Variants in TFCP2 observed in about 807,000 individuals in gnomAD.
TFCP2 encodes alpha-globin transcription factor CP2.
In TFCP2, 33 loss-of-function variants were observed where a neutral mutation model predicts 73.4. That is an observed-to-expected ratio of 0.45 (90% CI 0.34 to 0.60). The LOEUF (loss-of-function observed/expected upper bound fraction) is 0.60, where lower values mean the gene tolerates loss of function less well. Ranked by LOEUF, TFCP2 falls within the 20% of genes least tolerant of loss-of-function variation. The pLI is 0.01. For missense variants in TFCP2, 352 were observed against 604.0 expected (o/e 0.58, Z 4.37); for synonymous variants, 193 against 211.6 (o/e 0.91, Z 0.76).
At chr12:51,125,903 C>G (rs1028690952) in intron 1 of TFCP2, among the ~76,000 whole-genome samples, 24 of 152,046 alleles carry the variant, frequency 1.6e-4, no homozygotes, top group Non-Finnish European at 2.4e-4. Flanking sequence ...CAAGACCATC[C>G]TGGTCAACAT....
At chr12:51,163,801 T>C (rs1941698171) in intron 1 of TFCP2, among the ~76,000 whole-genome samples, 1 of 151,672 alleles carries the variant, frequency 6.6e-6, no homozygotes, top group Admixed American at 6.6e-5. Flanking sequence ...AAGAAAGACC[T>C]TAAGTCAATA....
intron 1 of TFCP2, among the ~76,000 whole-genome samples, chr12:51,126,279 T>C (rs1256256880): frequency 6.7e-6 from 1 of 148,858 alleles, no homozygotes; most frequent in Non-Finnish European, 1.5e-5. Flanking sequence ...AAATCATACC[T>C]GTTAAAAGGA....
chr12:51,156,845 T>C (rs1056557156), intron 1 of TFCP2: 3 of 152,158 alleles, frequency 2.0e-5, no homozygotes, highest in Non-Finnish European at 2.9e-5. Context: ...TGGTGTACAA[T>C]TGGTTTATTA....
chr12:51,116,984 G>A (rs967970170), intron 3 of TFCP2, among the ~76,000 whole-genome samples: 10 of 152,122 alleles, frequency 6.6e-5, no homozygotes, highest in East Asian at 3.9e-4. Flanking sequence ...ACTTCAGTCC[G>A]ATGGTAACTA....
chr12:51,167,435 TA>T, intron 1 of TFCP2, among the ~76,000 whole-genome samples: 1 of 152,024 alleles, frequency 6.6e-6, no homozygotes, highest in East Asian at 1.9e-4. Context: ...TTTTGTCCCC[TA>T]GGCTGGAGTG....
chr12:51,144,625 A>C (rs1170890364), intron 1 of TFCP2, among the ~76,000 whole-genome samples: 3 of 152,228 alleles, frequency 2.0e-5, no homozygotes, highest in Non-Finnish European at 4.4e-5. Flanking sequence ...TTGTAGGTGA[A>C]AAAAATGGAA....
chr12:51,119,949 C>A (rs550938748), intron 1 of TFCP2, among the ~76,000 whole-genome samples: 1 of 151,242 alleles, frequency 6.6e-6, no homozygotes, highest in South Asian at 2.1e-4. Flanking sequence ...GAGGCCGAGG[C>A]GGGTGGATCA....
intron 14 of TFCP2, among the ~76,000 whole-genome samples, 172 bp downstream of exon 14, chr12:51,095,813 CAAAA>C (rs34105291): frequency 2.4e-5 from 2 of 84,198 alleles, no homozygotes; most frequent in African/African-American, 5.1e-5. Flanking sequence ...GACTCTGTTT[CAAAA>C]AAAAAAAAAA....
chr12:51,110,799 A>G, intron 5 of TFCP2, 78 bp downstream of exon 5: 10 of 1,082,756 alleles, frequency 9.2e-6, no homozygotes, highest in Non-Finnish European at 1.3e-5. Context: ...CAAAGTTAAC[A>G]TGTTTTATCC....
chr12:51,119,720 A>C (rs1940612724), intron 1 of TFCP2, among the ~76,000 whole-genome samples: 1 of 151,946 alleles, frequency 6.6e-6, no homozygotes, highest in Non-Finnish European at 1.5e-5. Flanking sequence ...ACTGCACTCC[A>C]GCCTGGGCAA....
chr12:51,164,082 A>G (rs988544972), intron 1 of TFCP2, among the ~76,000 whole-genome samples: 2 of 152,094 alleles, frequency 1.3e-5, no homozygotes, highest in African/African-American at 2.4e-5. Flanking sequence ...GCATGCCTGT[A>G]GTCTCAGTTA....
chr12:51,100,829 A>G (rs1260948423), intron 11 of TFCP2, among the ~76,000 whole-genome samples: 1 of 152,156 alleles, frequency 6.6e-6, no homozygotes, highest in Non-Finnish European at 1.5e-5. Flanking sequence ...AAAAACCCCA[A>G]AACAAAAGCA....
Position 51,148,829 on chromosome 12 carries a change from A to G in TFCP2, c.122+23472T>C, listed in dbSNP as rs1343554026. ...CACCTGAGGTCAGGACTTTGAGGCC[A>G]GCCTGACCAATATGGCGAAACCCTG... On this transcript the variant is annotated intron_variant, in intron 1 of 14. Coordinates refer to ENST00000257915, the MANE Select transcript of TFCP2 (RefSeq NM_005653.5). Among the ~76,000 whole-genome samples, 3 of 151,736 alleles carry G rather than the reference A, an allele frequency of 2.0e-5. No homozygotes were observed. The East Asian group carries it at 5.8e-4, about 29-fold the overall frequency.
chr12:51,141,905 C>CAAA (rs34943578), intron 1 of TFCP2, among the ~76,000 whole-genome samples: 5 of 63,484 alleles, frequency 7.9e-5, no homozygotes, highest in Admixed American at 1.9e-4. Context: ...GACTCTGTCT[C>CAAA]AAAAAAAAAA....
At chr12:51,111,963 C>A (rs1940412209) in intron 4 of TFCP2, among the ~76,000 whole-genome samples, 2 of 152,116 alleles carry the variant, frequency 1.3e-5, no homozygotes, top group Admixed American at 1.3e-4. Context: ...TCAAGACCAG[C>A]CTGGCCAACA....
intron 1 of TFCP2, among the ~76,000 whole-genome samples, chr12:51,125,744 T>C (rs1940797732): frequency 6.6e-6 from 1 of 152,238 alleles, no homozygotes; most frequent in South Asian, 2.1e-4. Flanking sequence ...CAGCACTATA[T>C]ACACTATGAT....
intron 1 of TFCP2, among the ~76,000 whole-genome samples, chr12:51,133,189 AAC>A (rs1301910745): frequency 1.3e-5 from 2 of 152,246 alleles, no homozygotes; most frequent in Non-Finnish European, 2.9e-5. Context: ...AAGAAAAAAT[AAC>A]AGAGCACAAA....
chr12:51,141,949 A>C (rs1321024580), intron 1 of TFCP2, among the ~76,000 whole-genome samples: 1 of 149,968 alleles, frequency 6.7e-6, no homozygotes, highest in Non-Finnish European at 1.5e-5. Flanking sequence ...TCACGCCTGT[A>C]ATCCCAGCAG....
chr12:51,144,615 T>A (rs1941255063), intron 1 of TFCP2, among the ~76,000 whole-genome samples: 1 of 152,100 alleles, frequency 6.6e-6, no homozygotes, highest in South Asian at 2.1e-4. Flanking sequence ...AATTAGACAT[T>A]TGTAGGTGAA....
Sources: gnomAD v4.1 joint callset for allele counts (sites outside exome capture counted in the v4.1 genomes callset) on GRCh38, gnomAD v4.1.1 for gene constraint, MANE v1.5 for transcripts, NCBI Gene and HGNC (gene_info 2026-07-23, HGNC 2026-07-21) for gene names.